The following C1orf185 variants were observed in gnomAD, a reference collection of about 807,000 sequenced individuals.
C1orf185 encodes uncharacterized protein C1orf185.
A neutral mutation model predicts 16.1 loss-of-function variants in C1orf185; 13 were observed. The observed-to-expected ratio is 0.81, with a 90% CI of 0.53 to 1.28. The LOEUF is 1.28. Ranked by LOEUF, C1orf185 falls within the 50% of genes most tolerant of loss-of-function variation. The pLI, the probability that C1orf185 is intolerant of heterozygous loss-of-function variation, is 0.00. For synonymous variants in C1orf185, 80 were observed against 76.9 expected (o/e 1.04, Z -0.21); for missense variants, 220 against 225.2 (o/e 0.98, Z 0.15).
chr1:51,112,387 T>C (rs551139399), intron 1 of C1orf185, 77 bp from the exon 2 acceptor site: 1 of 1,183,586 alleles, frequency 8.4e-7, no homozygotes, highest in African/African-American at 1.6e-5. Context: ...GCTATATCAT[T>C]TGAAGTTTAT....
Position 51,146,549 on chromosome 1 carries a change from G to T in C1orf185, c.295+789G>T, listed in dbSNP as rs917513726. Among the ~76,000 whole-genome samples the T allele has an allele frequency of 3.3e-5, 5 of 151,726 alleles. No homozygotes were observed. In the East Asian group the frequency reaches 5.8e-4, roughly 18 times the overall value. On this transcript the variant is annotated intron_variant, in intron 4 of 4. Coordinates refer to ENST00000371759, the MANE Select transcript of C1orf185 (RefSeq NM_001136508.2). ...GTTAATATGTAAAATGTTATAAAAG[G>T]TATTATAGAATATTGTATAGATATT...
At chr1:51,150,506 A>AT (rs1435030744), downstream of C1orf185, among the ~76,000 whole-genome samples, 1 of 152,096 alleles carries the variant, frequency 6.6e-6, no homozygotes, top group African/African-American at 2.4e-5. Context: ...AATGGAATGT[A>AT]TTTCCTAAAA....
At chr1:51,111,311 T>C (rs188755750) in intron 1 of C1orf185, among the ~76,000 whole-genome samples, 1 of 151,876 alleles carries the variant, frequency 6.6e-6, no homozygotes, top group Admixed American at 6.6e-5. Flanking sequence ...TATAGGTTTT[T>C]CCAATTGTAA....
At chr1:51,139,972 A>C (rs1412182890) in intron 3 of C1orf185, among the ~76,000 whole-genome samples, 2 of 152,124 alleles carry the variant, frequency 1.3e-5, no homozygotes, top group African/African-American at 4.8e-5. Flanking sequence ...TTGGCCCTTA[A>C]AGCTTCTATC....
intron 3 of C1orf185, among the ~76,000 whole-genome samples, chr1:51,141,515 A>G (rs1646364345): frequency 6.6e-6 from 1 of 152,068 alleles, no homozygotes; most frequent in South Asian, 2.1e-4. Flanking sequence ...AAAATCAAGT[A>G]CTTATAATTA....
intron 3 of C1orf185, among the ~76,000 whole-genome samples, chr1:51,142,813 C>T (rs1044481077): frequency 1.3e-5 from 2 of 152,048 alleles, no homozygotes; most frequent in Non-Finnish European, 2.9e-5. Context: ...CACTCTGTGG[C>T]CCAGGCTAGA....
intron 1 of C1orf185, among the ~76,000 whole-genome samples, chr1:51,106,857 A>G (rs1324728762): frequency 6.6e-6 from 1 of 151,186 alleles, no homozygotes; most frequent in Non-Finnish European, 1.5e-5. Flanking sequence ...TCCCTGGTTC[A>G]AGCGACTCCC....
chr1:51,120,319 T>C (rs12089896), intron 3 of C1orf185, among the ~76,000 whole-genome samples: 7,559 of 152,230 alleles, frequency 0.05, 535 homozygotes, highest in African/African-American at 0.15. Flanking sequence ...AGATTACAGA[T>C]TTCAATTCTG....
At chr1:51,126,917 CT>C (rs1309843421) in intron 3 of C1orf185, among the ~76,000 whole-genome samples, 2 of 152,048 alleles carry the variant, frequency 1.3e-5, no homozygotes, top group Non-Finnish European at 2.9e-5. Flanking sequence ...CTTGTTTAAC[CT>C]AACCTTTACA....
intron 3 of C1orf185, among the ~76,000 whole-genome samples, chr1:51,137,388 G>A (rs1259410050): frequency 1.3e-5 from 2 of 152,074 alleles, no homozygotes; most frequent in African/African-American, 4.8e-5. Flanking sequence ...ACAAAAATTA[G>A]CTGGGTGTGG....
At chr1:51,124,144 T>A (rs1345094497) in intron 3 of C1orf185, among the ~76,000 whole-genome samples, 1 of 147,388 alleles carries the variant, frequency 6.8e-6, no homozygotes, top group Non-Finnish European at 1.5e-5. Flanking sequence ...TGCAGTGGCG[T>A]GATCTCGGCT....
intron 1 of C1orf185, 43 bp downstream of exon 1, chr1:51,102,292 A>G: frequency 1.4e-6 from 1 of 709,488 alleles, no homozygotes; most frequent in Non-Finnish European, 2.6e-6. Context: ...TTGCCTGGGA[A>G]GAAGAGGAAA....
In C1orf185 at chr1:51,147,691, C is replaced by T; in HGVS notation, c.520C>T (p.Leu174=). 6.4e-7 allele frequency: 1 copy of T among 1,551,090 alleles called. No individual in the cohort carries two copies. The highest frequency in any genetic ancestry group is 8.7e-7 in the Non-Finnish European group (1 of 1,146,766). Residue 174 remains leucine (L), a synonymous_variant, in exon 5 of 5, where the codon CTA becomes TTA. Transcript: ENST00000371759. ...TCCAATGCCTTCTCTCGGGGAACCT[C>T]TAATGGAAAAAGTATTTTCATACCT... ...NSPMPSLGEP[L]MEKVFSYLST...
At chr1:51,125,360 A>AT in intron 3 of C1orf185, among the ~76,000 whole-genome samples, 1 of 152,218 alleles carries the variant, frequency 6.6e-6, no homozygotes, top group Non-Finnish European at 1.5e-5. Context: ...AAACAGGCTT[A>AT]ATCCTGGACA....
At chr1:51,105,559 C>G (rs983575045) in intron 1 of C1orf185, among the ~76,000 whole-genome samples, 1 of 152,058 alleles carries the variant, frequency 6.6e-6, no homozygotes, top group Admixed American at 6.6e-5. Flanking sequence ...AATATTTAAT[C>G]ATTTATTGAG....
At chr1:51,135,782 A>G (rs950533931) in intron 3 of C1orf185, among the ~76,000 whole-genome samples, 4 of 152,168 alleles carry the variant, frequency 2.6e-5, no homozygotes, top group African/African-American at 2.4e-5. Flanking sequence ...CTCCTATTCA[A>G]CATAGTACAG....
chr1:51,145,867 T>A (rs1209893120), intron 4 of C1orf185, 107 bp downstream of exon 4: 17 of 499,314 alleles, frequency 3.4e-5, no homozygotes, highest in Non-Finnish European at 5.5e-5. Flanking sequence ...ATCTTAATGG[T>A]ATGAAACTGT....
chr1:51,111,185 GA>G (rs957601553), intron 1 of C1orf185, among the ~76,000 whole-genome samples: 17 of 149,224 alleles, frequency 1.1e-4, no homozygotes, highest in East Asian at 5.9e-4. Context: ...AAGATAATAG[GA>G]AAAAAAAACC....
chr1:51,103,531 T>C (rs957721500), intron 1 of C1orf185, among the ~76,000 whole-genome samples: 1 of 151,470 alleles, frequency 6.6e-6, no homozygotes, highest in African/African-American at 2.4e-5. Flanking sequence ...TTCAGATGTC[T>C]TTCCTTTTTT....
Sources: allele counts gnomAD v4.1 joint callset (sites outside exome capture counted in the v4.1 genomes callset), GRCh38; gene constraint gnomAD v4.1.1; transcripts MANE v1.5; gene names NCBI Gene and HGNC (gene_info 2026-07-23, HGNC 2026-07-21).